The following IQSEC1 variants were observed in gnomAD, a reference collection of about 807,000 sequenced individuals.
The protein encoded by IQSEC1 is IQ motif and SEC7 domain-containing protein 1.
In IQSEC1, 31 loss-of-function variants were observed where a neutral mutation model predicts 91.0. The observed-to-expected ratio is 0.34, with a 90% CI of 0.26 to 0.46. The LOEUF (loss-of-function observed/expected upper bound fraction) is 0.46. Ranked by LOEUF, IQSEC1 falls within the 20% of genes least tolerant of loss-of-function variation. The probability of loss-of-function intolerance (pLI) is 1.00; values close to 1 mark genes in which losing one functional copy is unlikely to be tolerated. For synonymous variants in IQSEC1, 699 were observed against 662.6 expected, an observed-to-expected ratio of 1.05 and a Z score of -0.84; for missense variants, 1,388 against 1,575.6, an observed-to-expected ratio of 0.88 and a Z score of 2.02.
intron 1 of IQSEC1, among the ~76,000 whole-genome samples, chr3:13,041,117 G>A (rs1576204246): frequency 6.6e-6 from 1 of 152,090 alleles, no homozygotes; most frequent in East Asian, 1.9e-4. Flanking sequence ...TTGCAGGAGG[G>A]ATGAGGATGA....
intron 1 of IQSEC1, among the ~76,000 whole-genome samples, chr3:13,066,059 G>C (rs1156288927): frequency 6.6e-6 from 1 of 152,218 alleles, no homozygotes. Context: ...GAGCAGAATG[G>C]TGGGTGCCAG....
At chr3:13,071,171 G>GAGACGGAGTCTCGCTCTGTCGCCCAGGC (rs1705413468) in intron 1 of IQSEC1, among the ~76,000 whole-genome samples, 1 of 85,268 alleles carries the variant, frequency 1.2e-5, no homozygotes, top group Non-Finnish European at 2.5e-5. Flanking sequence ...TTTTTTGTTT[G>GAGACGGAGTCTCGCTCTGTCGCCCAGGC]TTTCTTTAAC....
At chr3:12,988,909 G>T (rs555367947) in intron 1 of IQSEC1, among the ~76,000 whole-genome samples, 1 of 152,272 alleles carries the variant, frequency 6.6e-6, no homozygotes, top group South Asian at 2.1e-4. Context: ...GAGCTAGAAG[G>T]GCTCATCTTG....
At chr3:13,022,022 C>A (rs576231363) in intron 1 of IQSEC1, 32 of 1,230,710 alleles carry the variant, frequency 2.6e-5, no homozygotes, top group Non-Finnish European at 3.1e-5. Flanking sequence ...GCCATGCACG[C>A]GTCCCGGTAC....
At chr3:13,035,575 C>G (rs1704005165) in intron 1 of IQSEC1, among the ~76,000 whole-genome samples, 1 of 152,212 alleles carries the variant, frequency 6.6e-6, no homozygotes, top group South Asian at 2.1e-4. Flanking sequence ...GTCCCTACAC[C>G]TGTTAGGTCC....
At chr3:12,981,531 A>G (rs1701461410) in intron 1 of IQSEC1, among the ~76,000 whole-genome samples, 1 of 152,226 alleles carries the variant, frequency 6.6e-6, no homozygotes, top group African/African-American at 2.4e-5. Context: ...CTCCCCAAGT[A>G]GAAACAACAG....
At chr3:13,077,390 G>A (rs1047896922), upstream of IQSEC1, among the ~76,000 whole-genome samples, 6 of 152,294 alleles carry the variant, frequency 3.9e-5, no homozygotes, top group Non-Finnish European at 8.8e-5. Context: ...ACTCTGTAGT[G>A]AATCTCCTGC....
At chr3:13,108,100 A>T (rs1254783859) in intron 2 of IQSEC1, among the ~76,000 whole-genome samples, 1 of 152,250 alleles carries the variant, frequency 6.6e-6, no homozygotes, top group African/African-American at 2.4e-5. Flanking sequence ...CCTTTCTGCG[A>T]ATTTCCCCAG....
intron 1 of IQSEC1, chr3:13,053,162 A>G: frequency 1.3e-6 from 1 of 757,358 alleles, no homozygotes; most frequent in South Asian, 1.4e-5. Context: ...GATGATGGAG[A>G]AAGGAAGAGA....
intron 1 of IQSEC1, among the ~76,000 whole-genome samples, chr3:13,262,352 C>G (rs927650032): frequency 6.6e-6 from 1 of 152,232 alleles, no homozygotes; most frequent in Admixed American, 6.5e-5. Flanking sequence ...AGCCTGTCCC[C>G]GTCCCTCTTA....
intron 1 of IQSEC1, among the ~76,000 whole-genome samples, chr3:12,950,040 C>T (rs1223383540): frequency 1.3e-5 from 2 of 152,214 alleles, no homozygotes; most frequent in African/African-American, 4.8e-5. Context: ...GTCACCCACA[C>T]GTATGCTCAC....
In IQSEC1 at chr3:12,935,994, G is replaced by A. The variant is rs763376715; in HGVS notation, c.1022C>T (p.Thr341Met). ...CGGCGTGCTCCGGCAGCTCGTGTCCGTGTCAGCCTTGTCCTCTTTGTGGGC... is the reference window on the plus strand; with the variant it reads ...CGGCGTGCTCCGGCAGCTCGTGTCCATGTCAGCCTTGTCCTCTTTGTGGGC... ...ALAHKEDKAD[T>M]DTSCRSTPSL... Residue 341 changes from threonine to methionine, a missense_variant, in exon 3 of 14, where the codon ACG becomes ATG. Thr to Met is a moderately conservative substitution (Grantham distance 81, BLOSUM62 -1). This residue lies in a region of IQSEC1 where 1,059 missense variants were observed against 1,317.8 expected (regional missense o/e 0.80). Coordinates refer to ENST00000613206, the MANE Select transcript of IQSEC1 (RefSeq NM_001134382.3). The surrounding 1 kb of genome is among the most constrained non-coding windows in gnomAD (Gnocchi z 8.0). The A allele has an allele frequency of 1.3e-5, 21 of 1,599,906 alleles. No individual in the cohort carries two copies. The highest frequency in any genetic ancestry group is 3.3e-5 in the South Asian group (3 of 91,064).
chr3:13,232,650 CAG>C (rs1234100159), intron 1 of IQSEC1, among the ~76,000 whole-genome samples: 1 of 152,130 alleles, frequency 6.6e-6, no homozygotes, highest in Non-Finnish European at 1.5e-5. Context: ...GCGCAGGAGA[CAG>C]AGCCACAGCC....
intron 2 of IQSEC1, among the ~76,000 whole-genome samples, chr3:13,130,283 G>T (rs558585232): frequency 6.9e-6 from 1 of 145,588 alleles, no homozygotes; most frequent in African/African-American, 2.6e-5. Context: ...GGCAGAAGTT[G>T]CAGTGAACCG....
chr3:13,041,264 C>T (rs1704256129), intron 1 of IQSEC1, among the ~76,000 whole-genome samples: 1 of 152,260 alleles, frequency 6.6e-6, no homozygotes, highest in African/African-American at 2.4e-5. Context: ...TCAGGGCCCA[C>T]TGGGTGTCGG....
chr3:13,002,547 C>CAAAAAAAA (rs57241537), intron 1 of IQSEC1, among the ~76,000 whole-genome samples: 1 of 107,264 alleles, frequency 9.3e-6, no homozygotes, highest in Non-Finnish European at 2.0e-5. Context: ...ACCTGATCTC[C>CAAAAAAAA]AAAAAAAAAA....
In IQSEC1 at chr3:13,199,935, A is replaced by G. The variant is rs1021244743; in HGVS notation, c.273-35802T>C. Among the ~76,000 whole-genome samples the G allele has an allele frequency of 4.7e-5, 7 of 149,836 alleles. No individual in the cohort carries two copies. In the South Asian group the frequency reaches 1.5e-3, roughly 32 times the overall value. On this transcript the variant is annotated intron_variant, in intron 1 of 15. Coordinates refer to the IQSEC1 transcript ENST00000648114. Reference sequence around the variant, plus strand: ...ATACACCACACACCACGCACGTCACACACACACACACACCATACACACATA... The same window carrying G: ...ATACACCACACACCACGCACGTCACGCACACACACACACCATACACACATA...
intron 1 of IQSEC1, among the ~76,000 whole-genome samples, chr3:13,061,228 G>A (rs1705059279): frequency 6.6e-6 from 1 of 152,168 alleles, no homozygotes; most frequent in South Asian, 2.1e-4. Context: ...GGCAGCATGG[G>A]CATGACTGCC....
At chr3:13,145,530 C>T (rs996706660) in intron 2 of IQSEC1, among the ~76,000 whole-genome samples, 3 of 152,048 alleles carry the variant, frequency 2.0e-5, no homozygotes, top group African/African-American at 7.3e-5. Flanking sequence ...GTCTCACTGG[C>T]AGAACTGGCA....
Sources: allele counts gnomAD v4.1 joint callset (sites outside exome capture counted in the v4.1 genomes callset), GRCh38; gene constraint gnomAD v4.1.1; regional missense constraint gnomAD v4.1.1; non-coding constraint Gnocchi (gnomAD v3.1); transcripts MANE v1.5; gene names NCBI Gene and HGNC (gene_info 2026-07-23, HGNC 2026-07-21).